Variants in NR2C2 observed in about 807,000 individuals in gnomAD.
NR2C2 encodes Nuclear hormone receptor TR4.
In NR2C2, 6 loss-of-function variants were observed where a neutral mutation model predicts 62.9. That is an observed-to-expected ratio of 0.10 (90% CI 0.05 to 0.19). NR2C2 has a LOEUF of 0.19. NR2C2 is among the 10% of genes least tolerant of loss of function. The pLI, the probability that NR2C2 is intolerant of heterozygous loss-of-function variation, is 1.00. For missense variants in NR2C2, 479 were observed against 762.7 expected (o/e 0.63, Z 4.38); for synonymous variants, 272 against 273.8 (o/e 0.99, Z 0.07).
chr3:14,996,633 C>T (rs1028474756), intron 1 of NR2C2, among the ~76,000 whole-genome samples: 1 of 152,166 alleles, frequency 6.6e-6, no homozygotes, highest in African/African-American at 2.4e-5. Context: ...TGCAGTGGTG[C>T]GATCTCAGCT....
chr3:15,024,068 G>C (rs1258645097), intron 6 of NR2C2, 47 bp from the exon 7 acceptor site: 1 of 1,232,594 alleles, frequency 8.1e-7, no homozygotes, highest in East Asian at 2.3e-5. Context: ...ATCATACTGT[G>C]CATAAAATGT....
intron 1 of NR2C2, among the ~76,000 whole-genome samples, chr3:14,971,472 A>G (rs1218225857): frequency 1.3e-5 from 2 of 151,720 alleles, no homozygotes; most frequent in East Asian, 1.9e-4. Context: ...TTATCAGGAC[A>G]TAACCTCATC....
chr3:15,018,945 G>A (rs970050875), intron 4 of NR2C2, among the ~76,000 whole-genome samples: 1 of 148,424 alleles, frequency 6.7e-6, no homozygotes, highest in Non-Finnish European at 1.5e-5. Context: ...AACCTGGGAG[G>A]CAGAGGTTGC....
intron 1 of NR2C2, among the ~76,000 whole-genome samples, chr3:14,977,354 TAGAA>T (rs2040235977): frequency 6.6e-6 from 1 of 152,254 alleles, no homozygotes; most frequent in Non-Finnish European, 1.5e-5. Flanking sequence ...GCATAGCACA[TAGAA>T]AGTAATACAT....
intron 10 of NR2C2, among the ~76,000 whole-genome samples, chr3:15,032,828 C>G (rs1045738413): frequency 2.0e-5 from 3 of 152,134 alleles, no homozygotes; most frequent in Non-Finnish European, 2.9e-5. Flanking sequence ...GAAGCCAGGC[C>G]GGGAACTGTG....
At chr3:14,974,730 A>C (rs761997058) in intron 1 of NR2C2, among the ~76,000 whole-genome samples, 5 of 151,684 alleles carry the variant, frequency 3.3e-5, no homozygotes, top group Non-Finnish European at 7.4e-5. Flanking sequence ...CAGCCTCCCA[A>C]GTAGCTGGGA....
rs538427904 is a variant in NR2C2, at chr3:15,046,110, C to T, written c.*3102C>T. 6.6e-6 allele frequency: 1 copy of T among 152,354 alleles called. No homozygotes were observed. Among genetic ancestry groups the T allele is most frequent in the East Asian group, 1.9e-4 (1 of 5,190 alleles). The allele number at this position is 152,354 out of a possible 1,614,324, so 9.4% of individuals were successfully genotyped here. A position where few individuals can be genotyped will look rare whatever the true frequency, so the allele number is the denominator to read the frequency against. On this transcript the variant is annotated 3_prime_UTR_variant, in exon 14 of 14. Coordinates refer to ENST00000425241, the MANE Select transcript of NR2C2 (RefSeq NM_001291694.2). ...TGTTTTTAAGGAAGTGTGTTACCTA[C>T]CATACTCTCCTAATTTGACATTTCT... is the stretch of plus-strand genomic sequence containing the variant.
Position 15,030,101 on chromosome 3 carries a change from G to A in NR2C2, c.933-174G>A, listed in dbSNP as rs547095408. ...GCACTTTGAGAGGCCAAGGCAGGTA[G>A]ATCACCTGCAGTCAATAGTTTGAGA... On this transcript the variant is annotated intron_variant, in intron 8 of 13. Coordinates refer to ENST00000425241, the MANE Select transcript of NR2C2 (RefSeq NM_001291694.2). Among the ~76,000 whole-genome samples the A allele has an allele frequency of 1.2e-3, 187 of 152,268 alleles. 1 individual carries two copies. The South Asian group carries it at 0.023, about 18-fold the overall frequency.
Position 15,006,328 on chromosome 3 carries a change from C to T in NR2C2, c.72+2342C>T, listed in dbSNP as rs532247413. Among the ~76,000 whole-genome samples the T allele has an allele frequency of 7.2e-5, 11 of 152,266 alleles. No homozygotes were observed. In the South Asian group the frequency reaches 1.4e-3, roughly 20 times the overall value. ...ACCTTTTTGCAAACCTTTTTTAAAG[C>T]AGGTTCTTTTTACCCTTTTTATTTT... is the stretch of plus-strand genomic sequence containing the variant. On this transcript the variant is annotated intron_variant, in intron 2 of 13. Transcript: ENST00000425241.
intron 9 of NR2C2, among the ~76,000 whole-genome samples, chr3:15,031,036 A>G (rs1484576411): frequency 6.6e-6 from 1 of 152,182 alleles, no homozygotes; most frequent in East Asian, 1.9e-4. Context: ...AGGCTGACAT[A>G]GTGGTAACTG....
intron 1 of NR2C2, among the ~76,000 whole-genome samples, chr3:14,982,090 T>C (rs1323579844): frequency 6.6e-6 from 1 of 152,094 alleles, no homozygotes; most frequent in African/African-American, 2.4e-5. Flanking sequence ...ACACTTAATA[T>C]CAACATCACA....
At chr3:14,975,143 T>C (rs1333637624) in intron 1 of NR2C2, among the ~76,000 whole-genome samples, 1 of 152,244 alleles carries the variant, frequency 6.6e-6, no homozygotes, top group Admixed American at 6.5e-5. Context: ...TCTTTAGAGT[T>C]GTACATATAA....
intron 1 of NR2C2, among the ~76,000 whole-genome samples, chr3:14,995,593 G>GT (rs1348619397): frequency 3.3e-5 from 5 of 151,808 alleles, no homozygotes; most frequent in Non-Finnish European, 5.9e-5. Flanking sequence ...GGACTTGGGC[G>GT]TTTTTACTTT....
chr3:15,043,828 G>A lies in NR2C2; in HGVS notation c.*820G>A, dbSNP rs2042356548. The A allele has an allele frequency of 6.6e-6, 1 of 152,214 alleles. No individual in the cohort carries two copies. The highest frequency in any genetic ancestry group is 2.1e-4 in the South Asian group (1 of 4,832). 9.4% of individuals were successfully genotyped at this position (152,214 alleles called of 1,614,324 possible). Reference sequence around the variant, plus strand: ...CCTTTGATGACTGGTTATCTGAATTGGATTGCAACTAGTCAGACATTAACT... The same window carrying A: ...CCTTTGATGACTGGTTATCTGAATTAGATTGCAACTAGTCAGACATTAACT... On this transcript the variant is annotated 3_prime_UTR_variant, in exon 14 of 14. Transcript: ENST00000425241.
chr3:15,041,311 G>A (rs1238310785), intron 13 of NR2C2, among the ~76,000 whole-genome samples: 2 of 151,780 alleles, frequency 1.3e-5, no homozygotes, highest in Non-Finnish European at 2.9e-5. Context: ...CCCATTCTTT[G>A]TATCTCTGCT....
intron 1 of NR2C2, among the ~76,000 whole-genome samples, chr3:14,967,947 G>A (rs1016453870): frequency 6.6e-6 from 1 of 152,136 alleles, no homozygotes; most frequent in African/African-American, 2.4e-5. Flanking sequence ...GTAGAAAGCT[G>A]AAACTGGATC....
intron 1 of NR2C2, among the ~76,000 whole-genome samples, chr3:14,989,743 G>C (rs1401270455): frequency 1.3e-5 from 2 of 151,552 alleles, no homozygotes; most frequent in Non-Finnish European, 2.9e-5. Flanking sequence ...GACCAGCCTG[G>C]CCAACATGGT....
At position 15,042,784 on chromosome 3, in the gene NR2C2, G is replaced by GT. The variant is rs762857817; in HGVS notation, c.1617-48dup. 6 of 1,570,576 alleles carry GT rather than the reference G, an allele frequency of 3.8e-6. No homozygotes were observed. In the African/African-American group the frequency reaches 8.1e-5, roughly 21 times the overall value. ...CCCCAGGAGCCTTTGCTGAGCTGTG[G>GT]TTGAAGGGCATCAAACAGTCTCCTT... On this transcript the variant is annotated intron_variant, in intron 13 of 13. Transcript: ENST00000425241.
intron 2 of NR2C2, among the ~76,000 whole-genome samples, chr3:15,008,641 G>C (rs1470700934): frequency 6.6e-6 from 1 of 152,220 alleles, no homozygotes; most frequent in African/African-American, 2.4e-5. Context: ...GAACTGGCTG[G>C]AACAGAGTGG....
Sources: allele counts gnomAD v4.1 joint callset (sites outside exome capture counted in the v4.1 genomes callset), GRCh38; gene constraint gnomAD v4.1.1; transcripts MANE v1.5; gene names NCBI Gene and HGNC (gene_info 2026-07-23, HGNC 2026-07-21).